ARFGEF1: variants seen among roughly 807,000 people sequenced by gnomAD.
ARFGEF1 encodes the protein ARF guanine nucleotide exchange factor 1, also known as brefeldin A-inhibited guanine nucleotide-exchange protein 1.
A neutral mutation model predicts 231.0 loss-of-function variants in ARFGEF1; 42 were observed. That is an observed-to-expected ratio of 0.18 (90% CI 0.14 to 0.24). ARFGEF1 has a LOEUF of 0.24. Among genes scored for constraint, ARFGEF1 ranks in the 10% least tolerant of loss-of-function variants. The probability of loss-of-function intolerance (pLI) is 1.00; values close to 1 mark genes in which losing one functional copy is unlikely to be tolerated. For missense variants in ARFGEF1, 1,345 were observed against 2,192.0 expected (o/e 0.61, Z 7.72); for synonymous variants, 710 against 732.3 (o/e 0.97, Z 0.49).
At chr8:67,320,621 G>A (rs1315244753) in intron 1 of ARFGEF1, among the ~76,000 whole-genome samples, 1 of 152,190 alleles carries the variant, frequency 6.6e-6, no homozygotes, top group Non-Finnish European at 1.5e-5. Context: ...CCTTCAATGA[G>A]TGTTAAACAA....
intron 23 of ARFGEF1, among the ~76,000 whole-genome samples, chr8:67,230,901 A>G (rs965981978): frequency 2.6e-5 from 4 of 152,142 alleles, no homozygotes; most frequent in Admixed American, 6.6e-5. Context: ...ACAAAAGTAG[A>G]TAATTAGAAA....
At position 67,302,438 on chromosome 8, in the gene ARFGEF1, C is replaced by A; in HGVS notation, c.153G>T (p.Gln51His). The A allele has an allele frequency of 6.4e-7, 1 of 1,571,800 alleles. No homozygotes were observed. Among genetic ancestry groups the A allele is most frequent in the East Asian group, 2.3e-5 (1 of 43,450 alleles). The change falls in exon 2 of 39, where the codon CAG (glutamine) becomes CAT (histidine). Residue 51 changes from glutamine to histidine, a missense_variant and splice_region_variant. By Grantham distance (24) the Gln-to-His change is conservative. Around this residue, in one of 14 missense-constraint regions of ARFGEF1, gnomAD observed 398 missense variants for 463.2 expected, o/e 0.86. Transcript: ENST00000262215. ...TAAAGAAAAGAAATCCCACAAACCT[C>A]TGTTTTTCAGTTTCCGCTTTTATTT... ...LEEIKAETEKQSPPHGEAKAG... is the reference protein window; with the variant it reads ...LEEIKAETEKHSPPHGEAKAG...
At chr8:67,311,242 AG>A (rs1807023646) in intron 1 of ARFGEF1, among the ~76,000 whole-genome samples, 3 of 40,858 alleles carry the variant, frequency 7.3e-5, no homozygotes, top group Non-Finnish European at 9.9e-5. Flanking sequence ...GGAGGTGGGG[AG>A]GTCAGCCCCC....
At chr8:67,330,447 CCTTCA>C (rs1042127723) in intron 1 of ARFGEF1, among the ~76,000 whole-genome samples, 7 of 151,900 alleles carry the variant, frequency 4.6e-5, no homozygotes, top group Admixed American at 3.9e-4. Flanking sequence ...GAACAAAATA[CCTTCA>C]CTTCATTTAT....
In ARFGEF1 at chr8:67,249,136, CATGTATATAAATA is replaced by C. The variant is rs982671385; in HGVS notation, c.2850+2150_2850+2162del. Reference sequence around the variant, plus strand: ...AAGAGATGTAGTTCCTTATCTCGTACATGTATATAAATAATGTATATATAGACAGTTCCCAACT... The same window carrying C: ...AAGAGATGTAGTTCCTTATCTCGTACATGTATATATAGACAGTTCCCAACT... On this transcript the variant is annotated intron_variant, in intron 19 of 38. Coordinates refer to ENST00000262215, the MANE Select transcript of ARFGEF1 (RefSeq NM_006421.5). Among the ~76,000 whole-genome samples the C allele has an allele frequency of 4.0e-5, 6 of 150,244 alleles. 1 individual carries two copies. The highest frequency in any genetic ancestry group is 1.2e-4 in the African/African-American group (5 of 40,202).
chr8:67,311,494 C>G (rs1331571274), intron 1 of ARFGEF1, among the ~76,000 whole-genome samples: 1 of 145,954 alleles, frequency 6.9e-6, no homozygotes, highest in Non-Finnish European at 1.5e-5. Context: ...TGGCCAGCCG[C>G]CCCGTCCGGG....
At chr8:67,237,474 C>A (rs1839805186) in intron 22 of ARFGEF1, among the ~76,000 whole-genome samples, 1 of 151,954 alleles carries the variant, frequency 6.6e-6, no homozygotes, top group Non-Finnish European at 1.5e-5. Flanking sequence ...TTTGGGGTTT[C>A]TAAGAATTTT....
At chr8:67,222,178 T>TACACATATATATATATATATATATACAC (rs1839193764) in intron 29 of ARFGEF1, among the ~76,000 whole-genome samples, 1 of 112,460 alleles carries the variant, frequency 8.9e-6, no homozygotes, top group Non-Finnish European at 1.8e-5. Flanking sequence ...TATATATATA[T>TACACATATATATATATATATATATACAC]ACACATATAT....
In ARFGEF1 at chr8:67,267,226, A is replaced by C. The variant is rs770806934; in HGVS notation, c.1677T>G (p.Ala559=). ...IQTLTRICAD[A]QSVVDIYVNY... is the part of the protein sequence containing the mutation. ...TTACATAAATATCCACTACACTCTG[A>C]GCATCTGTAACAATATAACATTAAT... The change falls in exon 12 of 39, where the codon GCT becomes GCG. Residue 559 remains alanine, a synonymous_variant. Transcript: ENST00000262215. 6.2e-7 allele frequency: 1 copy of C among 1,612,404 alleles called. No homozygotes were observed. Among genetic ancestry groups the C allele is most frequent in the African/African-American group, 1.3e-5 (1 of 74,976 alleles).
At chr8:67,327,314 T>C (rs1807878613) in intron 1 of ARFGEF1, among the ~76,000 whole-genome samples, 1 of 151,108 alleles carries the variant, frequency 6.6e-6, no homozygotes, top group Non-Finnish European at 1.5e-5. Context: ...CTCGATGACG[T>C]ACGTCTTTTT....
chr8:67,225,162 TA>T, intron 28 of ARFGEF1, 129 bp from the exon 29 acceptor site: 1 of 895,208 alleles, frequency 1.1e-6, no homozygotes. Context: ...AAATAATTTA[TA>T]AAAAATGGAC....
intron 7 of ARFGEF1, among the ~76,000 whole-genome samples, chr8:67,283,534 T>C (rs7841468): frequency 0.29 from 44,658 of 151,942 alleles, 6,719 homozygotes; most frequent in East Asian, 0.38. Context: ...TTTAAAAAAT[T>C]ATGTACAGCA....
At chr8:67,177,487 G>A (rs1289832504) in intron 5 of ARFGEF1, among the ~76,000 whole-genome samples, 1 of 152,190 alleles carries the variant, frequency 6.6e-6, no homozygotes, top group Non-Finnish European at 1.5e-5. Flanking sequence ...ATGTGAATGG[G>A]AGAATTTTAT....
At chr8:67,267,317 A>G (rs370264358) in intron 11 of ARFGEF1, 26 bp downstream of exon 11, 5 of 1,589,670 alleles carry the variant, frequency 3.1e-6, no homozygotes, top group Non-Finnish European at 4.3e-6. Context: ...TAAGAAAGAG[A>G]TAATAAAAAG....
At chr8:67,213,326 TAA>T (rs1384027496) in intron 33 of ARFGEF1, among the ~76,000 whole-genome samples, 1 of 152,230 alleles carries the variant, frequency 6.6e-6, no homozygotes, top group Non-Finnish European at 1.5e-5. Flanking sequence ...ACCTGTAGAT[TAA>T]ATAAGAGTAT....
intron 1 of ARFGEF1, among the ~76,000 whole-genome samples, chr8:67,338,358 A>G (rs561442816): frequency 4.5e-4 from 69 of 152,316 alleles, no homozygotes; most frequent in African/African-American, 1.4e-3. Context: ...CAGTGTCCCA[A>G]AGTAAGTTCC....
At chr8:67,283,447 T>C (rs1183258440) in intron 7 of ARFGEF1, among the ~76,000 whole-genome samples, 1 of 152,102 alleles carries the variant, frequency 6.6e-6, no homozygotes, top group Non-Finnish European at 1.5e-5. Context: ...AGGCAGATTA[T>C]CAAACTGTAA....
intron 34 of ARFGEF1, among the ~76,000 whole-genome samples, chr8:67,210,009 A>G (rs1838668351): frequency 6.6e-6 from 1 of 151,750 alleles, no homozygotes; most frequent in Admixed American, 6.6e-5. Context: ...AAAAAAATTA[A>G]TTGGGTATGG....
intron 1 of ARFGEF1, among the ~76,000 whole-genome samples, chr8:67,329,915 G>T (rs554933969): frequency 6.6e-6 from 1 of 151,782 alleles, no homozygotes; most frequent in Non-Finnish European, 1.5e-5. Flanking sequence ...GCTTCAATGA[G>T]ACTGAATTGG....
Sources: allele counts gnomAD v4.1 joint callset (sites outside exome capture counted in the v4.1 genomes callset), GRCh38; gene constraint gnomAD v4.1.1; regional missense constraint gnomAD v4.1.1; transcripts MANE v1.5; gene names NCBI Gene and HGNC (gene_info 2026-07-23, HGNC 2026-07-21).